The following LMO7 variants were observed in gnomAD, a reference collection of about 807,000 sequenced individuals.
LMO7 encodes LIM domain only protein 7.
LMO7 carries 120 observed loss-of-function variants against 206.5 expected under a neutral mutation model. The observed-to-expected ratio is 0.58, with a 90% CI of 0.50 to 0.68. LMO7 has a LOEUF of 0.68. Among genes scored for constraint, LMO7 ranks in the 30% least tolerant of loss-of-function variants. LMO7 has a pLI of 0.00. For synonymous variants in LMO7, 706 were observed against 681.5 expected, an observed-to-expected ratio of 1.04 and a Z score of -0.56; for missense variants, 1,959 against 1,957.9, an observed-to-expected ratio of 1.00 and a Z score of -0.01.
chr13:75,776,170 T>TATATATATATATATATCGG (rs2050410426), intron 4 of LMO7, among the ~76,000 whole-genome samples: 3 of 42,482 alleles, frequency 7.1e-5, no homozygotes, highest in Non-Finnish European at 1.4e-4. Flanking sequence ...CGGATATATA[T>TATATATATATATATATCGG]ATATATATAT....
intron 3 of LMO7, among the ~76,000 whole-genome samples, chr13:75,752,897 A>C (rs984280119): frequency 6.6e-6 from 1 of 152,192 alleles, no homozygotes; most frequent in African/African-American, 2.4e-5. Context: ...AAAACATACA[A>C]GTGCAGGCAT....
intron 3 of LMO7, among the ~76,000 whole-genome samples, chr13:75,744,631 G>A (rs2046682539): frequency 6.6e-6 from 1 of 152,236 alleles, no homozygotes; most frequent in Non-Finnish European, 1.5e-5. Context: ...AATCCAAGGT[G>A]TAAAACTGGT....
intron 28 of LMO7, among the ~76,000 whole-genome samples, chr13:75,853,937 G>A (rs568888007): frequency 5.8e-4 from 89 of 152,336 alleles, no homozygotes; most frequent in Admixed American, 5.2e-3. Context: ...TTTTGATTGC[G>A]AAAATAATTG....
intron 1 of LMO7, among the ~76,000 whole-genome samples, chr13:75,702,715 A>G (rs1383535239): frequency 1.3e-5 from 2 of 152,356 alleles, no homozygotes; most frequent in African/African-American, 4.8e-5. Context: ...TTAAAGAGGA[A>G]GTTCCAAGAA....
chr13:75,823,700 G>A lies in LMO7; in HGVS notation c.2776G>A (p.Ala926Thr). The stretch of plus-strand genomic sequence containing the variant: ...CTTATCTAGCCAGAAAGAGGTAGCA[G>A]CAACAGAAGAAGATGTGACAAGGCT... ...SSLSSQKEVA[A>T]TEEDVTRLPS... The change falls in exon 15 of 31, where the codon GCA becomes ACA. Residue 926 changes from alanine (A) to threonine (T), a missense_variant. Coordinates refer to ENST00000377534, the MANE Select transcript of LMO7 (RefSeq NM_001306080.2). The A allele has an allele frequency of 6.2e-7, 1 of 1,614,166 alleles. No homozygotes were observed. Among genetic ancestry groups the A allele is most frequent in the Non-Finnish European group, 8.5e-7 (1 of 1,180,024 alleles).
intron 1 of LMO7, among the ~76,000 whole-genome samples, chr13:75,640,829 G>A (rs1209785032): frequency 6.6e-6 from 1 of 152,208 alleles, no homozygotes; most frequent in Non-Finnish European, 1.5e-5. Flanking sequence ...TTGTTTGGTT[G>A]GAACCTGCTA....
In LMO7 at chr13:75,840,109, A is replaced by T; in HGVS notation, c.3476A>T (p.Asp1159Val). 6.2e-7 allele frequency: 1 copy of T among 1,613,924 alleles called. No individual in the cohort carries two copies. Among genetic ancestry groups the T allele is most frequent in the African/African-American group, 1.3e-5 (1 of 75,020 alleles). Residue 1159 changes from aspartate to valine, a missense_variant and splice_region_variant, in exon 21 of 31, where the codon GAT becomes GTT. Transcript: ENST00000377534. ...EQGSSDSVVP[D>V]LPVPTISAPS... ...GGAAGCTCTGATTCGGTGGTTCCTG[A>T]TGTAAGTAGCATTCATTTGTCATTT...
intron 1 of LMO7, among the ~76,000 whole-genome samples, chr13:75,696,788 G>A (rs1428423787): frequency 6.6e-6 from 1 of 152,120 alleles, no homozygotes; most frequent in Non-Finnish European, 1.5e-5. Context: ...AAAAGCCCAT[G>A]TATTCCCAAG....
Position 75,841,983 on chromosome 13 carries a change from G to T in LMO7, c.4031G>T (p.Arg1344Met). The T allele has an allele frequency of 6.2e-7, 1 of 1,605,010 alleles. No homozygotes were observed. The highest frequency in any genetic ancestry group is 8.5e-7 in the Non-Finnish European group (1 of 1,174,986). ...TCAGTCAGAATATACCAGTACAGGA[G>T]GTATGTCCCCACAGCCAGAGGGTAC... The part of the protein sequence containing the change: ...ETSVRIYQYR[R>M]PVDSYDIPKT... The change falls in exon 24 of 31, where the codon AGG (arginine) becomes ATG (methionine). Residue 1344 changes from arginine (R) to methionine (M), a missense_variant and splice_region_variant. Coordinates refer to ENST00000377534, the MANE Select transcript of LMO7 (RefSeq NM_001306080.2).
upstream of LMO7, chr13:75,636,200 C>A: frequency 1.4e-6 from 1 of 702,572 alleles, no homozygotes; most frequent in Non-Finnish European, 1.7e-6. Flanking sequence ...CGGCCGCGGC[C>A]GGGAGCCCGG....
At chr13:75,779,583 T>A (rs1052456069) in intron 4 of LMO7, among the ~76,000 whole-genome samples, 1 of 152,188 alleles carries the variant, frequency 6.6e-6, no homozygotes, top group Non-Finnish European at 1.5e-5. Flanking sequence ...ACAGGATGAT[T>A]GGTGATACTC....
chr13:75,729,754 G>T (rs920136485), intron 3 of LMO7, among the ~76,000 whole-genome samples: 148 of 151,868 alleles, frequency 9.7e-4, no homozygotes, highest in African/African-American at 3.4e-3. Context: ...TTATGATATT[G>T]TCTGTGGGTT....
intron 1 of LMO7, among the ~76,000 whole-genome samples, chr13:75,637,441 A>G (rs2036055442): frequency 6.6e-6 from 1 of 152,148 alleles, no homozygotes; most frequent in Admixed American, 6.5e-5. Context: ...CTCTTCATTA[A>G]CGCCTTGGGG....
chr13:75,706,814 T>A (rs1185803542), intron 1 of LMO7, among the ~76,000 whole-genome samples: 1 of 152,184 alleles, frequency 6.6e-6, no homozygotes, highest in African/African-American at 2.4e-5. Flanking sequence ...AAAAATACTT[T>A]AGAGTCTAAT....
At chr13:75,697,536 A>T (rs1046212749) in intron 1 of LMO7, among the ~76,000 whole-genome samples, 1 of 152,208 alleles carries the variant, frequency 6.6e-6, no homozygotes, top group African/African-American at 2.4e-5. Context: ...ATTATCTCCC[A>T]CTGGGTCCCT....
intron 2 of LMO7, among the ~76,000 whole-genome samples, chr13:75,624,210 A>G (rs2033724914): frequency 6.6e-6 from 1 of 152,216 alleles, no homozygotes; most frequent in African/African-American, 2.4e-5. Context: ...CTATGTATCC[A>G]CCTTTACTGA....
intron 1 of LMO7, among the ~76,000 whole-genome samples, chr13:75,703,146 C>A (rs2042395641): frequency 6.6e-6 from 1 of 152,182 alleles, no homozygotes; most frequent in Non-Finnish European, 1.5e-5. Context: ...ACAACCAACT[C>A]CCTCATCCCC....
intron 15 of LMO7, among the ~76,000 whole-genome samples, chr13:75,831,683 C>T (rs754346416): frequency 6.6e-6 from 1 of 152,096 alleles, no homozygotes; most frequent in African/African-American, 2.4e-5. Context: ...GGCAACCTCA[C>T]TTTATAACAA....
chr13:75,791,428 T>G (rs1004582556), intron 4 of LMO7, among the ~76,000 whole-genome samples: 2 of 152,218 alleles, frequency 1.3e-5, no homozygotes, highest in Non-Finnish European at 2.9e-5. Context: ...TCTCCTGAGC[T>G]TTTATCATTT....
Sources: gnomAD v4.1 joint callset for allele counts (sites outside exome capture counted in the v4.1 genomes callset) on GRCh38, gnomAD v4.1.1 for gene constraint, MANE v1.5 for transcripts, NCBI Gene and HGNC (gene_info 2026-07-23, HGNC 2026-07-21) for gene names.